The following C8A variants were observed in gnomAD, a reference collection of about 807,000 sequenced individuals.
C8A encodes the protein complement C8 alpha chain, also known as complement component C8 alpha chain.
A neutral mutation model predicts 65.3 loss-of-function variants in C8A; 67 were observed. That is an observed-to-expected ratio of 1.03 (90% CI 0.84 to 1.26). The LOEUF (loss-of-function observed/expected upper bound fraction) is 1.26. C8A is among the 50% of genes most tolerant of loss of function. C8A has a pLI of 0.00. For missense variants in C8A, 781 were observed against 723.9 expected (o/e 1.08, Z -0.90); for synonymous variants, 290 against 259.4 (o/e 1.12, Z -1.13).
chr1:56,909,070 T>C (rs1418483259), intron 9 of C8A, among the ~76,000 whole-genome samples: 2 of 152,218 alleles, frequency 1.3e-5, no homozygotes, highest in Non-Finnish European at 2.9e-5. Flanking sequence ...TGGCCTCAAG[T>C]GTCAATACTG....
intron 10 of C8A, 30 bp downstream of exon 10, chr1:56,912,655 A>G (rs1410620865): frequency 6.2e-7 from 1 of 1,601,148 alleles, no homozygotes; most frequent in Non-Finnish European, 8.6e-7. Context: ...ACCCAGTTCC[A>G]GCCTGTCCCA....
At chr1:56,885,396 A>AATATATATTTATTTAAATATATATTTACG (rs1557705740) in intron 6 of C8A, among the ~76,000 whole-genome samples, 3 of 99,594 alleles carry the variant, frequency 3.0e-5, no homozygotes, top group Admixed American at 1.4e-4. Flanking sequence ...ATATATTTAA[A>AATATATATTTATTTAAATATATATTTACG]TAAATATATA....
chr1:56,881,078 T>C (rs1644243496), intron 4 of C8A, among the ~76,000 whole-genome samples: 2 of 152,208 alleles, frequency 1.3e-5, no homozygotes, highest in South Asian at 2.1e-4. Flanking sequence ...AAAGGAAATC[T>C]GAAGGCTCAG....
intron 1 of C8A, among the ~76,000 whole-genome samples, chr1:56,862,459 T>C (rs1256557330): frequency 6.6e-6 from 1 of 152,216 alleles, no homozygotes; most frequent in Non-Finnish European, 1.5e-5. Flanking sequence ...CAATATGTTA[T>C]TGAGCATTTT....
rs1644567836 is a variant in C8A at position 56,918,023 on chromosome 1, C to T, written c.*307C>T. ...AAACTGAGAAAACTCAATCCATGACCAGGGAGAACTTACAGGATGTTAGAG... is the reference window on the plus strand; with the variant it reads ...AAACTGAGAAAACTCAATCCATGACTAGGGAGAACTTACAGGATGTTAGAG... On this transcript the variant is annotated 3_prime_UTR_variant, in exon 11 of 11. Coordinates refer to ENST00000361249, the MANE Select transcript of C8A (RefSeq NM_000562.3). 1 of 290,566 alleles carries T rather than the reference C, an allele frequency of 3.4e-6. No individual in the cohort carries two copies. The highest frequency in any genetic ancestry group is 6.5e-6 in the Non-Finnish European group (1 of 153,174). 18.0% of individuals were successfully genotyped at this position (290,566 alleles called of 1,614,324 possible).
Position 56,917,737 on chromosome 1 carries a change from G to A in C8A, c.*21G>A. The A allele has an allele frequency of 1.2e-6, 2 of 1,613,664 alleles. No homozygotes were observed. Among genetic ancestry groups the A allele is most frequent in the Non-Finnish European group, 1.7e-6 (2 of 1,179,992 alleles). On this transcript the variant is annotated 3_prime_UTR_variant, in exon 11 of 11. Transcript: ENST00000361249. ...GCTGAGGGCCTCTGGACACAGGCTG[G>A]ACCAGATGCTGTGGATGTCGACCCC...
At chr1:56,858,887 C>T (rs547632782) in intron 1 of C8A, among the ~76,000 whole-genome samples, 12 of 152,278 alleles carry the variant, frequency 7.9e-5, no homozygotes, top group East Asian at 3.9e-4. Context: ...ATGGAAGTTG[C>T]GCCAGTTGCT....
chr1:56,872,905 A>G lies in C8A; in HGVS notation c.172-2044A>G, dbSNP rs201070700. 3.0e-3 allele frequency among the ~76,000 whole-genome samples: 459 copies of G among 152,034 alleles called. 4 individuals carry two copies. Among genetic ancestry groups the G allele is most frequent in the African/African-American group, 0.011 (442 of 41,546 alleles). ...AAACTGACATAAAGAGAGGAAAAAA[A>G]AAAGAAAGAAAGAAAATTGGCTCTA... On this transcript the variant is annotated intron_variant, in intron 2 of 10. Coordinates refer to ENST00000361249, the MANE Select transcript of C8A (RefSeq NM_000562.3).
chr1:56,904,784 G>T (rs1276544777), intron 7 of C8A, among the ~76,000 whole-genome samples: 1 of 152,138 alleles, frequency 6.6e-6, no homozygotes, highest in African/African-American at 2.4e-5. Context: ...CCCCTTGCTG[G>T]CTGGGACCCT....
intron 1 of C8A, among the ~76,000 whole-genome samples, chr1:56,865,696 T>C (rs1222207242): frequency 2.6e-5 from 4 of 152,196 alleles, no homozygotes; most frequent in African/African-American, 9.6e-5. Context: ...GCAGAGACCC[T>C]ATCATTTCAA....
Position 56,918,041 on chromosome 1 carries a change from T to A in C8A, c.*325T>A. The A allele has an allele frequency of 3.8e-6, 1 of 263,332 alleles. No homozygotes were observed. Among genetic ancestry groups the A allele is most frequent in the Non-Finnish European group, 7.3e-6 (1 of 136,600 alleles). 16.3% of individuals were successfully genotyped at this position (263,332 alleles called of 1,614,324 possible). A position where few individuals can be genotyped will look rare whatever the true frequency, so the allele number is the denominator to read the frequency against. ...CCATGACCAGGGAGAACTTACAGGA[T>A]GTTAGAGACAAAACAAGCAGACACC... On this transcript the variant is annotated 3_prime_UTR_variant, in exon 11 of 11. Transcript: ENST00000361249.
chr1:56,865,019 C>T (rs924508174), intron 1 of C8A, among the ~76,000 whole-genome samples: 1 of 151,964 alleles, frequency 6.6e-6, no homozygotes, highest in Non-Finnish European at 1.5e-5. Flanking sequence ...AAACAAAACT[C>T]CTAAGTTTTA....
chr1:56,859,830 G>A (rs1456533667), intron 1 of C8A, among the ~76,000 whole-genome samples: 4 of 152,144 alleles, frequency 2.6e-5, no homozygotes, highest in Non-Finnish European at 4.4e-5. Context: ...GGGAGGACGA[G>A]GCAGGTGGAT....
Position 56,908,056 on chromosome 1 carries a change from T to C in C8A, c.1323T>C (p.Ile441=). 1 of 1,614,156 alleles carries C rather than the reference T, an allele frequency of 6.2e-7. No individual in the cohort carries two copies. The highest frequency in any genetic ancestry group is 8.5e-7 in the Non-Finnish European group (1 of 1,180,008). ...GCTTGGCACAGAACAGGAGCACCAT[T>C]ACATACCGTTCCTGGGGGAGGTCAT... ...SGGLAQNRST[I]TYRSWGRSLK... is the part of the protein sequence containing the mutation. The change falls in exon 9 of 11, where the codon ATT becomes ATC. Residue 441 remains isoleucine (I), a synonymous_variant. Transcript: ENST00000361249.
intron 7 of C8A, among the ~76,000 whole-genome samples, chr1:56,905,960 G>A (rs1015180394): frequency 1.3e-5 from 2 of 152,124 alleles, no homozygotes; most frequent in African/African-American, 2.4e-5. Context: ...CAAAATGCAG[G>A]TTCCTCAGTG....
intron 2 of C8A, among the ~76,000 whole-genome samples, chr1:56,874,353 A>T (rs1202262654): frequency 6.6e-6 from 1 of 152,164 alleles, no homozygotes; most frequent in Non-Finnish European, 1.5e-5. Flanking sequence ...ACTATAGGAG[A>T]TATATCTCCA....
chr1:56,903,852 T>A (rs919764687), intron 7 of C8A, among the ~76,000 whole-genome samples: 4 of 152,230 alleles, frequency 2.6e-5, no homozygotes, highest in African/African-American at 9.6e-5. Flanking sequence ...TAGTTACCTA[T>A]ATTTTTCAAA....
At chr1:56,886,692 A>C (rs1453405091) in intron 7 of C8A, among the ~76,000 whole-genome samples, 1 of 152,002 alleles carries the variant, frequency 6.6e-6, no homozygotes, top group Non-Finnish European at 1.5e-5. Context: ...TCAGCTCCTA[A>C]ATGGTCTCTG....
intron 7 of C8A, among the ~76,000 whole-genome samples, chr1:56,901,546 C>G (rs1174359877): frequency 6.6e-6 from 1 of 152,122 alleles, no homozygotes; most frequent in African/African-American, 2.4e-5. Flanking sequence ...TGTCAAGTAG[C>G]CACAGAAACA....
Sources: gnomAD v4.1 joint callset for allele counts (sites outside exome capture counted in the v4.1 genomes callset) on GRCh38, gnomAD v4.1.1 for gene constraint, MANE v1.5 for transcripts, NCBI Gene and HGNC (gene_info 2026-07-23, HGNC 2026-07-21) for gene names.